Variants in STPG2 observed in about 807,000 individuals in gnomAD.
STPG2 encodes sperm-tail PG-rich repeat-containing protein 2.
Under a neutral mutation model 54.2 loss-of-function variants are expected in STPG2, and 56 were observed. That is an observed-to-expected ratio of 1.03 (90% CI 0.83 to 1.29). STPG2 has a LOEUF of 1.29. Among genes scored for constraint, STPG2 ranks in the 50% most tolerant of loss-of-function variants. The pLI is 0.00. For missense variants in STPG2, 596 were observed against 544.9 expected (o/e 1.09, Z -0.93); for synonymous variants, 200 against 181.8 (o/e 1.10, Z -0.81).
chr4:97,781,271 T>C (rs1726600793), intron 9 of STPG2, among the ~76,000 whole-genome samples: 1 of 152,100 alleles, frequency 6.6e-6, no homozygotes, highest in Non-Finnish European at 1.5e-5. Context: ...CCCACAGAAA[T>C]ACAAACTACC....
At chr4:97,480,469 G>A (rs974857723) in intron 4 of STPG2, among the ~76,000 whole-genome samples, 6 of 151,524 alleles carry the variant, frequency 4.0e-5, no homozygotes, top group Admixed American at 3.9e-4. Context: ...TAAGAGGCCT[G>A]TAATACCTCA....
At chr4:97,629,085 T>C (rs989983234) in intron 10 of STPG2, among the ~76,000 whole-genome samples, 6 of 151,952 alleles carry the variant, frequency 3.9e-5, no homozygotes, top group African/African-American at 1.4e-4. Context: ...GTAGGTTAAC[T>C]ACCTTAAATA....
chr4:97,728,919 G>T (rs1724705529), intron 9 of STPG2, among the ~76,000 whole-genome samples: 1 of 151,900 alleles, frequency 6.6e-6, no homozygotes, highest in Admixed American at 6.6e-5. Flanking sequence ...GTGTGTGAGA[G>T]AAAGAGAGAG....
intron 10 of STPG2, among the ~76,000 whole-genome samples, chr4:97,693,541 C>CT (rs1723449524): frequency 6.6e-6 from 1 of 152,100 alleles, no homozygotes; most frequent in African/African-American, 2.4e-5. Flanking sequence ...AAAACAATTA[C>CT]TACTAGACCA....
chr4:97,600,145 T>G (rs2148905714), intron 10 of STPG2, among the ~76,000 whole-genome samples: 1 of 152,224 alleles, frequency 6.6e-6, no homozygotes, highest in Non-Finnish European at 1.5e-5. Context: ...ATAATATGCT[T>G]TATTACCTGG....
chr4:97,671,670 G>A lies in STPG2; in HGVS notation c.1320+41029C>T, dbSNP rs72892840. On this transcript the variant is annotated intron_variant, in intron 10 of 10. Coordinates refer to ENST00000295268, the MANE Select transcript of STPG2 (RefSeq NM_174952.3). Reference sequence around the variant, plus strand: ...CCCTTTTAGTGTCAGATGGCCTCTGGAGGAGTTGGGCTAAAGGAGGCTGAA... The same window carrying A: ...CCCTTTTAGTGTCAGATGGCCTCTGAAGGAGTTGGGCTAAAGGAGGCTGAA... 2.0e-3 allele frequency among the ~76,000 whole-genome samples: 301 copies of A among 152,226 alleles called. 2 individuals carry two copies. The highest frequency in any genetic ancestry group is 7.1e-3 in the African/African-American group (295 of 41,542).
At chr4:97,447,815 G>T (rs2148795498) in intron 4 of STPG2, among the ~76,000 whole-genome samples, 1 of 152,284 alleles carries the variant, frequency 6.6e-6, no homozygotes, top group East Asian at 1.9e-4. Flanking sequence ...TGTAGGGTTG[G>T]AGCCCCCTCA....
intron 9 of STPG2, among the ~76,000 whole-genome samples, chr4:97,713,627 G>A (rs1463018126): frequency 2.6e-5 from 4 of 152,132 alleles, no homozygotes; most frequent in Non-Finnish European, 5.9e-5. Context: ...GATAGCGTTC[G>A]AGCTCCTATG....
At chr4:97,616,822 C>T (rs1245862911) in intron 10 of STPG2, among the ~76,000 whole-genome samples, 1 of 151,894 alleles carries the variant, frequency 6.6e-6, no homozygotes, top group African/African-American at 2.4e-5. Flanking sequence ...CCAATGTATG[C>T]CAATGTATAT....
rs545282702 is a variant in STPG2 at position 97,668,770 on chromosome 4, T to G, written c.1320+43929A>C. Among the ~76,000 whole-genome samples, 675 of 149,514 alleles carry G rather than the reference T, an allele frequency of 4.5e-3. 2 individuals are homozygous for G. The highest frequency in any genetic ancestry group is 0.021 in the Middle Eastern group (6 of 292). On this transcript the variant is annotated intron_variant, in intron 10 of 10. Coordinates refer to ENST00000295268, the MANE Select transcript of STPG2 (RefSeq NM_174952.3). ...ATTTGAAATAATGTATAGGATAGAGTAGATTTAATGGGGGAAGCAGAGTTT... is the reference window on the plus strand; with the variant it reads ...ATTTGAAATAATGTATAGGATAGAGGAGATTTAATGGGGGAAGCAGAGTTT...
intron 8 of STPG2, among the ~76,000 whole-genome samples, chr4:97,861,851 C>A (rs917605813): frequency 8.5e-5 from 13 of 152,102 alleles, no homozygotes; most frequent in South Asian, 2.1e-4. Context: ...GAAATAAAAT[C>A]CTTTACAGAC....
chr4:97,971,076 G>A (rs937840598), intron 7 of STPG2, among the ~76,000 whole-genome samples: 1 of 152,204 alleles, frequency 6.6e-6, no homozygotes, highest in Non-Finnish European at 1.5e-5. Context: ...CTGGTCATCA[G>A]AGAAATGCAA....
chr4:98,068,689 T>C (rs1737906726), intron 5 of STPG2, among the ~76,000 whole-genome samples: 1 of 152,060 alleles, frequency 6.6e-6, no homozygotes, highest in Admixed American at 6.6e-5. Flanking sequence ...CACTTAACGA[T>C]GGGAATACTT....
chr4:97,598,170 C>T (rs1321324650), intron 10 of STPG2, among the ~76,000 whole-genome samples: 1 of 152,004 alleles, frequency 6.6e-6, no homozygotes, highest in East Asian at 1.9e-4. Flanking sequence ...CGTAGGAATA[C>T]AGCTAACAGG....
chr4:97,568,501 T>C (rs927115184), intron 10 of STPG2, among the ~76,000 whole-genome samples: 2 of 152,074 alleles, frequency 1.3e-5, no homozygotes, highest in African/African-American at 4.8e-5. Flanking sequence ...TGTCTCTCTC[T>C]CTCACACACA....
chr4:98,031,334 G>C (rs1199830497), intron 5 of STPG2, among the ~76,000 whole-genome samples: 1 of 152,084 alleles, frequency 6.6e-6, no homozygotes, highest in African/African-American at 2.4e-5. Flanking sequence ...CTAGATATTG[G>C]CTTAGGCAAG....
chr4:97,834,822 T>C lies in STPG2; in HGVS notation c.1204+5951A>G, dbSNP rs540289666. On this transcript the variant is annotated intron_variant, in intron 9 of 10. Coordinates refer to ENST00000295268, the MANE Select transcript of STPG2 (RefSeq NM_174952.3). The stretch of plus-strand genomic sequence containing the variant: ...GAAGAGTTATGTATTGCCCTGACCA[T>C]ACCTACACTTTCTGACTGAGCTCCT... Among the ~76,000 whole-genome samples the C allele has an allele frequency of 5.3e-5, 8 of 152,082 alleles. No homozygotes were observed. In the East Asian group the frequency reaches 1.6e-3, roughly 29 times the overall value.
At chr4:97,693,598 C>G (rs966101224) in intron 10 of STPG2, among the ~76,000 whole-genome samples, 2 of 152,104 alleles carry the variant, frequency 1.3e-5, no homozygotes, top group African/African-American at 4.8e-5. Flanking sequence ...GACTTCAATA[C>G]TCCACTGACA....
chr4:97,898,609 C>A (rs1032569917), intron 8 of STPG2, among the ~76,000 whole-genome samples: 1 of 151,700 alleles, frequency 6.6e-6, no homozygotes, highest in Non-Finnish European at 1.5e-5. Context: ...CAGTAACCAT[C>A]ATCTAGCCCT....
Sources: gnomAD v4.1 joint callset for allele counts (sites outside exome capture counted in the v4.1 genomes callset) on GRCh38, gnomAD v4.1.1 for gene constraint, MANE v1.5 for transcripts, NCBI Gene and HGNC (gene_info 2026-07-23, HGNC 2026-07-21) for gene names.